Variants in ANKRD17 observed in about 807,000 individuals in gnomAD.
ANKRD17 encodes the protein ankyrin repeat domain-containing protein 17.
ANKRD17 carries 19 observed loss-of-function variants against 229.7 expected under a neutral mutation model. That is an observed-to-expected ratio of 0.08 (90% CI 0.06 to 0.12). The LOEUF (loss-of-function observed/expected upper bound fraction) is 0.12, where lower values mean the gene tolerates loss of function less well. Ranked by LOEUF, ANKRD17 falls within the 10% of genes least tolerant of loss-of-function variation. ANKRD17 has a pLI of 1.00. For synonymous variants in ANKRD17, 1,112 were observed against 1,146.1 expected, an observed-to-expected ratio of 0.97 and a Z score of 0.60; for missense variants, 2,176 against 3,176.8, an observed-to-expected ratio of 0.68 and a Z score of 7.57.
intron 1 of ANKRD17, among the ~76,000 whole-genome samples, chr4:73,191,341 A>ATATATG (rs1553933228): frequency 1.6e-5 from 2 of 125,244 alleles, no homozygotes; most frequent in East Asian, 2.4e-4. Flanking sequence ...AAAAATATAT[A>ATATATG]TGTGTGTGTG....
At chr4:73,086,939 T>G (rs1412840744) in intron 29 of ANKRD17, among the ~76,000 whole-genome samples, 5 of 80,580 alleles carry the variant, frequency 6.2e-5, no homozygotes, top group Non-Finnish European at 7.4e-5. Flanking sequence ...TATATATATA[T>G]ATATATATAT....
chr4:73,176,163 A>C (rs1734709646), intron 2 of ANKRD17, among the ~76,000 whole-genome samples: 1 of 152,204 alleles, frequency 6.6e-6, no homozygotes. Context: ...AGCATTTCTC[A>C]AAAGAAGACA....
intron 6 of ANKRD17, among the ~76,000 whole-genome samples, 159 bp from the exon 7 acceptor site, chr4:73,151,683 T>C (rs1258857220): frequency 6.6e-6 from 1 of 152,186 alleles, no homozygotes; most frequent in Non-Finnish European, 1.5e-5. Flanking sequence ...GAACACAAAT[T>C]ATACAAGTGA....
chr4:73,162,327 G>C (rs970749593), intron 2 of ANKRD17, among the ~76,000 whole-genome samples: 1 of 152,058 alleles, frequency 6.6e-6, no homozygotes, highest in Non-Finnish European at 1.5e-5. Context: ...TGGGATTATA[G>C]GTGTGAGCCA....
chr4:73,196,257 C>T lies in ANKRD17; in HGVS notation c.394-18724G>A, dbSNP rs543374785. Among the ~76,000 whole-genome samples, 8 of 152,204 alleles carry T rather than the reference C, an allele frequency of 5.3e-5. No homozygotes were observed. The South Asian group carries it at 1.2e-3, about 24-fold the overall frequency. ...ACGTGACCTGCCCACCTCGGCCTCC[C>T]GAAGTGTTGGGATTACAGGCATGAG... is the stretch of plus-strand genomic sequence containing the variant. On this transcript the variant is annotated intron_variant, in intron 1 of 33. Coordinates refer to ENST00000358602, the MANE Select transcript of ANKRD17 (RefSeq NM_032217.5).
intron 2 of ANKRD17, among the ~76,000 whole-genome samples, chr4:73,174,384 C>A (rs1734458333): frequency 6.6e-6 from 1 of 152,146 alleles, no homozygotes; most frequent in Non-Finnish European, 1.5e-5. Flanking sequence ...ATCCAGCCAT[C>A]CCTTTATCAT....
chr4:73,139,297 C>G (rs1246964554), intron 15 of ANKRD17, among the ~76,000 whole-genome samples: 1 of 152,170 alleles, frequency 6.6e-6, no homozygotes, highest in Non-Finnish European at 1.5e-5. Flanking sequence ...AACCTAGATT[C>G]TCAAGCTACC....
intron 1 of ANKRD17, among the ~76,000 whole-genome samples, chr4:73,241,931 T>C (rs1199852951): frequency 6.6e-6 from 1 of 152,090 alleles, no homozygotes; most frequent in East Asian, 1.9e-4. Context: ...TTTCAAAAGA[T>C]GCCAAAAATG....
chr4:73,250,541 A>T (rs1473192883), intron 1 of ANKRD17, among the ~76,000 whole-genome samples: 1 of 133,674 alleles, frequency 7.5e-6, no homozygotes, highest in Non-Finnish European at 1.6e-5. Context: ...TGGAGGTTGC[A>T]GTGAGCCGAG....
At chr4:73,077,230 A>C in intron 32 of ANKRD17, 125 bp downstream of exon 32, 1 of 1,313,414 alleles carries the variant, frequency 7.6e-7, no homozygotes, top group Admixed American at 3.0e-5. Flanking sequence ...TTATCTAAGA[A>C]ATCTAAAAAT....
At chr4:73,171,818 C>T (rs555939124) in intron 2 of ANKRD17, among the ~76,000 whole-genome samples, 3 of 151,806 alleles carry the variant, frequency 2.0e-5, no homozygotes, top group African/African-American at 7.3e-5. Flanking sequence ...ATTGATCAAG[C>T]GGAAGAAAGA....
Position 73,102,515 on chromosome 4 carries a change from A to G in ANKRD17, c.4434T>C (p.Ala1478=). 1 of 1,600,408 alleles carries G rather than the reference A, an allele frequency of 6.2e-7. No homozygotes were observed. The highest frequency in any genetic ancestry group is 8.5e-7 in the Non-Finnish European group (1 of 1,177,408). Residue 1478 remains alanine, a synonymous_variant, in exon 25 of 34, where the codon GCT becomes GCC. Transcript: ENST00000358602. ...LREESRRLAL[A]AKREKRKEKR... is the part of the protein sequence containing the mutation. ...TCTCTTTTCTTTTTTCTCTTTTCGC[A>G]GCCAAAGCCAGCCTCCGACTTTCTT... is the stretch of plus-strand genomic sequence containing the variant.
chr4:73,167,529 A>T (rs966060478), intron 2 of ANKRD17, among the ~76,000 whole-genome samples: 4 of 152,184 alleles, frequency 2.6e-5, no homozygotes, highest in Non-Finnish European at 4.4e-5. Flanking sequence ...ACAAATCTAT[A>T]TGACAGTCTC....
chr4:73,242,940 G>A (rs1255227069), intron 1 of ANKRD17, among the ~76,000 whole-genome samples: 1 of 152,054 alleles, frequency 6.6e-6, no homozygotes, highest in African/African-American at 2.4e-5. Flanking sequence ...ACTCAGTTAA[G>A]GCAAAAAACT....
At chr4:73,136,141 G>A (rs1018939265) in intron 15 of ANKRD17, among the ~76,000 whole-genome samples, 4 of 152,000 alleles carry the variant, frequency 2.6e-5, no homozygotes, top group African/African-American at 9.7e-5. Flanking sequence ...TTCAGCTGAG[G>A]GTACTTTATT....
Position 73,177,445 on chromosome 4 carries a change from C to T in ANKRD17, c.482G>A (p.Gly161Asp), listed in dbSNP as rs1020245797. 2 of 1,613,700 alleles carry T rather than the reference C, an allele frequency of 1.2e-6. No homozygotes were observed. The highest frequency in any genetic ancestry group is 1.1e-5 in the South Asian group (1 of 91,046). ...TGGATCTACTGTCCTGAGGTCTGCA[C>T]CATCAGCAGTACCTGATAAGAGCAA... Reference protein sequence around the residue: ...SKLLLSGTADGADLRTVDPET... With the variant: ...SKLLLSGTADDADLRTVDPET... Residue 161 changes from glycine to aspartate, a missense_variant, in exon 2 of 34, where the codon GGT becomes GAT. Gly to Asp is a moderately conservative substitution (Grantham distance 94, BLOSUM62 -1). Transcript: ENST00000358602.
intron 33 of ANKRD17, 94 bp downstream of exon 33, chr4:73,076,846 A>C: frequency 7.1e-7 from 1 of 1,417,158 alleles, no homozygotes; most frequent in African/African-American, 1.4e-5. Context: ...ATATTCACCA[A>C]ACTCTCTTGC....
intron 1 of ANKRD17, among the ~76,000 whole-genome samples, chr4:73,206,519 C>CA (rs1477381930): frequency 6.6e-6 from 1 of 151,690 alleles, no homozygotes; most frequent in Non-Finnish European, 1.5e-5. Flanking sequence ...TCTCTTGCAA[C>CA]AACATGGAGG....
Position 73,097,833 on chromosome 4 carries a change from T to G in ANKRD17, c.5021+240A>C, listed in dbSNP as rs1447575822. 2.0e-5 allele frequency among the ~76,000 whole-genome samples: 3 copies of G among 150,534 alleles called. 1 individual carries two copies. In the South Asian group the frequency reaches 6.3e-4, roughly 32 times the overall value. ...CCTTGGAAACCACAATCCATATTTT[T>G]CATGTGCTAAGTTTAACAACCAAAA... On this transcript the variant is annotated intron_variant, in intron 26 of 33. Transcript: ENST00000358602.
Sources: gnomAD v4.1 joint callset for allele counts (sites outside exome capture counted in the v4.1 genomes callset) on GRCh38, gnomAD v4.1.1 for gene constraint, MANE v1.5 for transcripts, NCBI Gene and HGNC (gene_info 2026-07-23, HGNC 2026-07-21) for gene names.